The following C6orf89 variants were observed in gnomAD, a reference collection of about 807,000 sequenced individuals.
C6orf89 encodes chromosome 6 open reading frame 89.
In C6orf89, 29 loss-of-function variants were observed where a neutral mutation model predicts 40.7. The ratio of observed to expected loss-of-function variants is 0.71; its 90% CI spans 0.53 to 0.97. The LOEUF is 0.97. Ranked by LOEUF, C6orf89 falls within the 50% of genes least tolerant of loss-of-function variation. The pLI is 0.00. For missense variants in C6orf89, 392 were observed against 429.1 expected (o/e 0.91, Z 0.76); for synonymous variants, 165 against 152.2 (o/e 1.08, Z -0.62).
chr6:36,918,184 G>A (rs535487742), intron 7 of C6orf89, among the ~76,000 whole-genome samples: 2 of 152,320 alleles, frequency 1.3e-5, no homozygotes, highest in East Asian at 1.9e-4. Flanking sequence ...TGGCACTCGG[G>A]GAGAAGGTGA....
intron 3 of C6orf89, among the ~76,000 whole-genome samples, chr6:36,901,873 G>A (rs914737239): frequency 7.3e-5 from 11 of 150,848 alleles, no homozygotes; most frequent in Admixed American, 1.3e-4. Context: ...GGGTTTCACC[G>A]TGTTAGCCAG....
rs756339179 is a variant in C6orf89 at position 36,871,875 on chromosome 6, G to A, written c.-720G>A. On this transcript the variant is annotated 5_prime_UTR_variant, in exon 1 of 10. Coordinates refer to the C6orf89 transcript ENST00000359359. Reference sequence around the variant, plus strand: ...GCTCCAGCACAATGATTCCCATGCTGCAGAGGGAGAGGACAACAGCTCCAG... The same window carrying A: ...GCTCCAGCACAATGATTCCCATGCTACAGAGGGAGAGGACAACAGCTCCAG... The A allele has an allele frequency of 1.9e-6, 3 of 1,575,740 alleles. No homozygotes were observed. In the Middle Eastern group the frequency reaches 5.0e-4, roughly 264 times the overall value.
chr6:36,916,817 A>G (rs1762340014), intron 7 of C6orf89, among the ~76,000 whole-genome samples: 1 of 152,102 alleles, frequency 6.6e-6, no homozygotes, highest in African/African-American at 2.4e-5. Flanking sequence ...TGCCCTTAAC[A>G]CCTGAGGCAA....
At chr6:36,922,783 G>A (rs997361126) in intron 8 of C6orf89, among the ~76,000 whole-genome samples, 1 of 152,210 alleles carries the variant, frequency 6.6e-6, no homozygotes, top group Non-Finnish European at 1.5e-5. Flanking sequence ...GTTCTGTAAT[G>A]AAACCACATT....
chr6:36,885,767 A>G (rs9380618), upstream of C6orf89: 194,544 of 372,824 alleles, frequency 0.52, 51,983 homozygotes, highest in East Asian at 0.63. Flanking sequence ...AAGAGCCAGA[A>G]CGGAAGAAGG....
rs779190996 is a variant in C6orf89, at chr6:36,914,388, G to A, written c.508G>A (p.Glu170Lys). ...AQKHLKVMLLEDAPRKFERLH... is the reference protein window; with the variant it reads ...AQKHLKVMLLKDAPRKFERLH... ...GAAACACCTGAAGGTGATGCTCCTG[G>A]AAGACGCCCCAAGGAAATTTGAGAG... The change falls in exon 5 of 9, where the codon GAA (glutamate) becomes AAA (lysine). Residue 170 changes from glutamate to lysine, a missense_variant. By Grantham distance (56) the Glu-to-Lys change is moderately conservative. Transcript: ENST00000480824. 6.2e-7 allele frequency: 1 copy of A among 1,614,190 alleles called. No individual in the cohort carries two copies. Among genetic ancestry groups the A allele is most frequent in the East Asian group, 2.2e-5 (1 of 44,882 alleles).
chr6:36,873,659 A>C (rs1774567881), intron 1 of C6orf89, among the ~76,000 whole-genome samples: 1 of 152,214 alleles, frequency 6.6e-6, no homozygotes, highest in African/African-American at 2.4e-5. Context: ...TGGAGCCTGA[A>C]GATGTAGAAT....
chr6:36,893,170 G>A (rs1455639045), intron 1 of C6orf89, among the ~76,000 whole-genome samples: 2 of 151,750 alleles, frequency 1.3e-5, no homozygotes, highest in African/African-American at 2.4e-5. Flanking sequence ...TCCTGACCTC[G>A]TGATCTGCCC....
intron 3 of C6orf89, among the ~76,000 whole-genome samples, chr6:36,900,199 T>G (rs2150691850): frequency 6.6e-6 from 1 of 151,472 alleles, no homozygotes; most frequent in South Asian, 2.1e-4. Context: ...GTGTTTTGTT[T>G]TTTTTTGTTG....
rs1192523356 is a variant in C6orf89 at position 36,899,440 on chromosome 6, A to G, written c.-5A>G. On this transcript the variant is annotated 5_prime_UTR_variant, in exon 3 of 9. Coordinates refer to ENST00000480824, the MANE Select transcript of C6orf89 (RefSeq NM_001286635.2). ...GTCTCTCTCAGGGATTTTATATTGG[A>G]AGACATGGATCTTGCTGCCAACGAG... 6.2e-7 allele frequency: 1 copy of G among 1,614,056 alleles called. No homozygotes were observed.
chr6:36,886,015 C>T lies in C6orf89; in HGVS notation c.-133C>T, dbSNP rs1311457617. Reference sequence around the variant, plus strand: ...CCCGAGGCGGGAGGAGCCCGAGGGGCGCGAGCCCCGCATGTGAGTGACTGG... The same window carrying T: ...CCCGAGGCGGGAGGAGCCCGAGGGGTGCGAGCCCCGCATGTGAGTGACTGG... On this transcript the variant is annotated 5_prime_UTR_variant, in exon 1 of 9. Coordinates refer to ENST00000480824, the MANE Select transcript of C6orf89 (RefSeq NM_001286635.2). 8.3e-5 allele frequency: 103 copies of T among 1,244,172 alleles called. No individual in the cohort carries two copies. The highest frequency in any genetic ancestry group is 9.9e-5 in the Non-Finnish European group (98 of 993,150). The allele number at this position is 1,244,172 out of a possible 1,614,324, so 77.1% of individuals were successfully genotyped here.
At chr6:36,898,797 A>C (rs1013610595) in intron 2 of C6orf89, among the ~76,000 whole-genome samples, 46 of 152,204 alleles carry the variant, frequency 3.0e-4, no homozygotes, top group Non-Finnish European at 3.8e-4. Flanking sequence ...GTATTTGTAG[A>C]AAAGCATGAG....
chr6:36,882,730 T>C (rs1448798101), upstream of C6orf89, among the ~76,000 whole-genome samples: 1,412 of 68,620 alleles, frequency 0.021, 33 homozygotes, highest in African/African-American at 0.046. Flanking sequence ...TTTTTTTCTT[T>C]TTTCTTTTTT....
Position 36,914,138 on chromosome 6 carries a change from C to T in C6orf89, c.404-146C>T, listed in dbSNP as rs184375551. On this transcript the variant is annotated intron_variant, in intron 4 of 8. Coordinates refer to ENST00000480824, the MANE Select transcript of C6orf89 (RefSeq NM_001286635.2). ...CGGCACCACTGCACTCCAGCCTGGG[C>T]GACAGAGTGAGACTCTGTCTCAAAA... 3,277 of 757,744 alleles carry T rather than the reference C, an allele frequency of 4.3e-3. 17 individuals are homozygous for T. The highest frequency in any genetic ancestry group is 6.0e-3 in the Non-Finnish European group (2,972 of 498,850). The allele number at this position is 757,744 out of a possible 1,614,324, so 46.9% of individuals were successfully genotyped here.
In C6orf89 at chr6:36,877,883, C is replaced by A. The variant is rs1455600765; in HGVS notation, c.-627-1125C>A. On this transcript the variant is annotated intron_variant, in intron 1 of 9. Transcript: ENST00000359359. Reference sequence around the variant, plus strand: ...ATCTTCTACCTATTTTTCTATTTGGCTGTTTTCTTATTTGTAAAGTTCCTT... The same window carrying A: ...ATCTTCTACCTATTTTTCTATTTGGATGTTTTCTTATTTGTAAAGTTCCTT... Among the ~76,000 whole-genome samples the A allele has an allele frequency of 7.2e-5, 11 of 152,360 alleles. No homozygotes were observed. The East Asian group carries it at 2.1e-3, about 29-fold the overall frequency.
In C6orf89 at chr6:36,923,674, T is replaced by A; in HGVS notation, c.*233T>A. On this transcript the variant is annotated 3_prime_UTR_variant, in exon 9 of 9. Transcript: ENST00000480824. ...TTCAGCCTGGCCACTTGGCTAGGAC[T>A]CTGCCAGCACCCATCTGAGACTGAC... is the stretch of plus-strand genomic sequence containing the variant. 1 of 538,526 alleles carries A rather than the reference T, an allele frequency of 1.9e-6. No homozygotes were observed. Among genetic ancestry groups the A allele is most frequent in the South Asian group, 1.8e-5 (1 of 54,968 alleles). The allele number at this position is 538,526 out of a possible 1,614,324, so 33.4% of individuals were successfully genotyped here. A position where few individuals can be genotyped will look rare whatever the true frequency, so the allele number is the denominator to read the frequency against.
At chr6:36,902,170 A>T (rs376474093) in intron 3 of C6orf89, 51 bp from the exon 4 acceptor site, 11 of 1,487,476 alleles carry the variant, frequency 7.4e-6, no homozygotes, top group Non-Finnish European at 9.4e-6. Flanking sequence ...TTTTCTTGGT[A>T]TTAAGGTATT....
rs1196484986 is a variant in C6orf89 at position 36,923,914 on chromosome 6, T to C, written c.*473T>C. On this transcript the variant is annotated 3_prime_UTR_variant, in exon 9 of 9. Coordinates refer to ENST00000480824, the MANE Select transcript of C6orf89 (RefSeq NM_001286635.2). Reference sequence around the variant, plus strand: ...CTACTTTTTGGAAGGCCATGGCTGATTAAAGAAGTTCTTGTAGTTTCCCAA... The same window carrying C: ...CTACTTTTTGGAAGGCCATGGCTGACTAAAGAAGTTCTTGTAGTTTCCCAA... 1 of 217,622 alleles carries C rather than the reference T, an allele frequency of 4.6e-6. No homozygotes were observed. The highest frequency in any genetic ancestry group is 9.4e-6 in the Non-Finnish European group (1 of 105,996). The allele number at this position is 217,622 out of a possible 1,614,324, so 13.5% of individuals were successfully genotyped here.
chr6:36,906,199 G>C (rs866509264), intron 4 of C6orf89, among the ~76,000 whole-genome samples: 2 of 152,146 alleles, frequency 1.3e-5, no homozygotes, highest in Non-Finnish European at 2.9e-5. Context: ...ATCATTTATT[G>C]GCCTCAAACT....
Sources: gnomAD v4.1 joint callset for allele counts (sites outside exome capture counted in the v4.1 genomes callset) on GRCh38, gnomAD v4.1.1 for gene constraint, MANE v1.5 for transcripts, NCBI Gene and HGNC (gene_info 2026-07-23, HGNC 2026-07-21) for gene names.